C19orf81: variants seen among roughly 807,000 people sequenced by gnomAD.
C19orf81 encodes chromosome 19 open reading frame 81, also known as putative uncharacterized protein C19orf81.
In C19orf81, 19 loss-of-function variants were observed where a neutral mutation model predicts 22.1. The observed-to-expected ratio is 0.86, with a 90% CI of 0.60 to 1.26. The LOEUF (loss-of-function observed/expected upper bound fraction) is 1.26. Among genes scored for constraint, C19orf81 ranks in the 50% most tolerant of loss-of-function variants. The pLI is 0.00. For missense variants in C19orf81, 287 were observed against 280.7 expected (o/e 1.02, Z -0.16); for synonymous variants, 108 against 113.1 (o/e 0.95, Z 0.29).
Position 50,659,147 on chromosome 19 carries a change from C to T in C19orf81, c.*5C>T, listed in dbSNP as rs1232314060. On this transcript the variant is annotated 3_prime_UTR_variant, in exon 5 of 5. Coordinates refer to ENST00000425202, the MANE Select transcript of C19orf81 (RefSeq NM_001195076.2). ...GAGCCGAACGAGGAGGCCTGACGCCCGGGCGGGCCCCGGCAGCGCTTGCGC... is the reference window on the plus strand; with the variant it reads ...GAGCCGAACGAGGAGGCCTGACGCCTGGGCGGGCCCCGGCAGCGCTTGCGC... 2.3e-6 allele frequency: 3 copies of T among 1,326,214 alleles called. No homozygotes were observed. The highest frequency in any genetic ancestry group is 3.1e-5 in the African/African-American group (2 of 65,018). 82.2% of individuals were successfully genotyped at this position (1,326,214 alleles called of 1,614,324 possible). A position where few individuals can be genotyped will look rare whatever the true frequency, so the allele number is the denominator to read the frequency against.
intron 1 of C19orf81, among the ~76,000 whole-genome samples, chr19:50,652,342 A>T (rs1419259736): frequency 6.6e-6 from 1 of 152,192 alleles, no homozygotes; most frequent in Admixed American, 6.5e-5. Flanking sequence ...GGACGAAAAC[A>T]CAAGTCCCTG....
chr19:50,649,995 CCT>C (rs1385360999), intron 1 of C19orf81, among the ~76,000 whole-genome samples: 2 of 152,204 alleles, frequency 1.3e-5, no homozygotes, highest in East Asian at 3.9e-4. Context: ...CCCATTCCTT[CCT>C]CTCTGTCCCC....
rs1440052328 is a variant in C19orf81, at chr19:50,658,073, A to T, written c.346A>T (p.Ser116Cys). The change falls in exon 4 of 5, where the codon AGC becomes TGC. Residue 116 changes from serine to cysteine, a missense_variant. Transcript: ENST00000425202. ...PGAMESGRVS[S>C]IRFENMNVIC... is the part of the protein sequence containing the mutation. ...GGCCATGGAGAGCGGGCGCGTGAGC[A>T]GCATCCGCTTTGAGAACATGAACGT... 6.5e-7 allele frequency: 1 copy of T among 1,535,892 alleles called. No individual in the cohort carries two copies. Among genetic ancestry groups the T allele is most frequent in the East Asian group, 2.4e-5 (1 of 40,912 alleles).
intron 1 of C19orf81, among the ~76,000 whole-genome samples, chr19:50,651,171 C>T (rs903956625): frequency 1.3e-5 from 2 of 152,156 alleles, no homozygotes; most frequent in South Asian, 2.1e-4. Context: ...ACGTGAAACA[C>T]GCCATCTCAC....
intron 1 of C19orf81, among the ~76,000 whole-genome samples, chr19:50,652,041 T>C (rs73594693): frequency 0.011 from 1,648 of 152,240 alleles, 33 homozygotes; most frequent in African/African-American, 0.037. Flanking sequence ...TGGCATGAAT[T>C]GACACCATTG....
Position 50,659,176 on chromosome 19 carries a change from GCCCCGCGGGCTGGGGCCA to G in C19orf81, c.*38_*55del, listed in dbSNP as rs1985084886. 1 of 1,278,292 alleles carries G rather than the reference GCCCCGCGGGCTGGGGCCA, an allele frequency of 7.8e-7. No individual in the cohort carries two copies. Among genetic ancestry groups the G allele is most frequent in the Non-Finnish European group, 9.9e-7 (1 of 1,013,054 alleles). The allele number at this position is 1,278,292 out of a possible 1,614,324, so 79.2% of individuals were successfully genotyped here. ...CGGGCCCCGGCAGCGCTTGCGCACC[GCCCCGCGGGCTGGGGCCA>G]CCCACCCGGAGCCCCGGAGGACAGG... On this transcript the variant is annotated 3_prime_UTR_variant, in exon 5 of 5. Coordinates refer to ENST00000425202, the MANE Select transcript of C19orf81 (RefSeq NM_001195076.2).
chr19:50,655,931 A>G (rs1465489919), intron 1 of C19orf81, 119 bp from the exon 2 acceptor site: 5 of 949,702 alleles, frequency 5.3e-6, no homozygotes, highest in Middle Eastern at 3.2e-4. Flanking sequence ...CAGTAACTCA[A>G]CATCTGGCAT....
chr19:50,650,408 C>T (rs534295039), intron 1 of C19orf81, among the ~76,000 whole-genome samples: 42 of 152,346 alleles, frequency 2.8e-4, no homozygotes, highest in Non-Finnish European at 5.0e-4. Flanking sequence ...TGGTGGCTCA[C>T]GCCTATAATC....
chr19:50,655,050 T>C (rs1984963287), intron 1 of C19orf81, among the ~76,000 whole-genome samples: 1 of 152,168 alleles, frequency 6.6e-6, no homozygotes, highest in Non-Finnish European at 1.5e-5. Flanking sequence ...GCAGTAATCT[T>C]TTAAGCAAAT....
chr19:50,654,391 C>T lies in C19orf81; in HGVS notation c.68-1659C>T, dbSNP rs542884168. Reference sequence around the variant, plus strand: ...AATCTTGGCTCACTGCAACCTCTGCCTCCTGGGTTCAAGTGATTCTTCTGC... The same window carrying T: ...AATCTTGGCTCACTGCAACCTCTGCTTCCTGGGTTCAAGTGATTCTTCTGC... On this transcript the variant is annotated intron_variant, in intron 1 of 4. Coordinates refer to ENST00000425202, the MANE Select transcript of C19orf81 (RefSeq NM_001195076.2). Among the ~76,000 whole-genome samples the T allele has an allele frequency of 2.6e-5, 4 of 152,190 alleles. 1 individual carries two copies. Among genetic ancestry groups the T allele is most frequent in the African/African-American group, 9.6e-5 (4 of 41,516 alleles).
In C19orf81 at chr19:50,659,021, C is replaced by A. The variant is rs1985074731; in HGVS notation, c.476C>A (p.Ala159Glu). Residue 159 changes from alanine (A) to glutamate (E), a missense_variant, in exon 5 of 5, where the codon GCG becomes GAG. Coordinates refer to ENST00000425202, the MANE Select transcript of C19orf81 (RefSeq NM_001195076.2). Reference protein sequence around the residue: ...LRSGLSPRGLAHQIVRHDDLL... With the variant: ...LRSGLSPRGLEHQIVRHDDLL... Reference sequence around the variant, plus strand: ...TCCGGGCTCAGTCCCCGCGGGCTTGCGCACCAGATCGTGCGCCACGACGAC... The same window carrying A: ...TCCGGGCTCAGTCCCCGCGGGCTTGAGCACCAGATCGTGCGCCACGACGAC... 1 of 1,528,598 alleles carries A rather than the reference C, an allele frequency of 6.5e-7. No individual in the cohort carries two copies. The highest frequency in any genetic ancestry group is 2.0e-5 in the Admixed American group (1 of 50,484). The allele number at this position is 1,528,598 out of a possible 1,614,324, so 94.7% of individuals were successfully genotyped here. A position where few individuals can be genotyped will look rare whatever the true frequency, so the allele number is the denominator to read the frequency against.
At chr19:50,655,574 G>A (rs753253226) in intron 1 of C19orf81, among the ~76,000 whole-genome samples, 4 of 151,936 alleles carry the variant, frequency 2.6e-5, no homozygotes, top group African/African-American at 7.3e-5. Context: ...GCGTGAACCC[G>A]GGAGGCAGAG....
Position 50,658,007 on chromosome 19 carries a change from C to T in C19orf81, c.280C>T (p.His94Tyr). ...CCCGCAGCCCGAGGAGGATTTTACC[C>T]ACCTGGAGGTGCTGCAAGCCCTGGA... Reference protein sequence around the residue: ...METLPEEDFTHLEVLQALEAQ... With the variant: ...METLPEEDFTYLEVLQALEAQ... Residue 94 changes from histidine to tyrosine, a missense_variant, in exon 4 of 5, where the codon CAC (histidine) becomes TAC (tyrosine). By Grantham distance (83) the His-to-Tyr change is moderately conservative (BLOSUM62 2). Coordinates refer to ENST00000425202, the MANE Select transcript of C19orf81 (RefSeq NM_001195076.2). 1 of 1,532,946 alleles carries T rather than the reference C, an allele frequency of 6.5e-7. No homozygotes were observed. The highest frequency in any genetic ancestry group is 8.7e-7 in the Non-Finnish European group (1 of 1,145,746). 95.0% of individuals were successfully genotyped at this position (1,532,946 alleles called of 1,614,324 possible). A position where few individuals can be genotyped will look rare whatever the true frequency, so the allele number is the denominator to read the frequency against.
In C19orf81 at chr19:50,653,673, TGAGA is replaced by T. The variant is rs563049313; in HGVS notation, c.68-2374_68-2371del. ...AGTTGAATGTGTTGACTTATTGTAA[TGAGA>T]GACAGCACACACACACACACACACA... is the stretch of plus-strand genomic sequence containing the variant. On this transcript the variant is annotated intron_variant, in intron 1 of 4. Coordinates refer to ENST00000425202, the MANE Select transcript of C19orf81 (RefSeq NM_001195076.2). Among the ~76,000 whole-genome samples, 358 of 135,154 alleles carry T rather than the reference TGAGA, an allele frequency of 2.6e-3. 3 individuals are homozygous for T. The highest frequency in any genetic ancestry group is 8.9e-3 in the African/African-American group (323 of 36,186). 88.7% of individuals were successfully genotyped at this position (135,154 alleles called of 152,430 possible). A position where few individuals can be genotyped will look rare whatever the true frequency, so the allele number is the denominator to read the frequency against.
At chr19:50,650,905 G>A (rs773105267) in intron 1 of C19orf81, among the ~76,000 whole-genome samples, 2 of 152,234 alleles carry the variant, frequency 1.3e-5, no homozygotes, top group Non-Finnish European at 2.9e-5. Flanking sequence ...AGGCACCCAC[G>A]TGACATGTAA....
intron 3 of C19orf81, 82 bp downstream of exon 3, chr19:50,656,428 G>C: frequency 6.9e-7 from 1 of 1,449,478 alleles, no homozygotes; most frequent in South Asian, 1.4e-5. Flanking sequence ...AGTGTGGCCA[G>C]AGTTTAAATT....
rs1985078116 is a variant in C19orf81 at position 50,659,063 on chromosome 19, ACCGCCTG to A, written c.520_526del (p.Arg174ThrfsTer68). 4 of 1,526,894 alleles carry A rather than the reference ACCGCCTG, an allele frequency of 2.6e-6. No homozygotes were observed. In the East Asian group the frequency reaches 9.9e-5, roughly 38 times the overall value. The allele number at this position is 1,526,894 out of a possible 1,614,324, so 94.6% of individuals were successfully genotyped here. A position where few individuals can be genotyped will look rare whatever the true frequency, so the allele number is the denominator to read the frequency against. On this transcript the variant is annotated frameshift_variant, in exon 5 of 5. Coordinates refer to ENST00000425202, the MANE Select transcript of C19orf81 (RefSeq NM_001195076.2). LOFTEE classifies it high-confidence loss of function. ...CACGACGACCTCCTGCTGGGCGACT[ACCGCCTG>A]CACCTGCGCCGCTCCCTGGTCCGGC...
rs1490524479 is a variant in C19orf81 at position 50,650,013 on chromosome 19, C to T, written c.67+502C>T. ...ATTCCTTCCTCTCTGTCCCCGCAGC[C>T]CTGTCCCAGGTCTCATCCTCTTCCA... On this transcript the variant is annotated intron_variant, in intron 1 of 4. Transcript: ENST00000425202. Among the ~76,000 whole-genome samples, 3 of 152,294 alleles carry T rather than the reference C, an allele frequency of 2.0e-5. No homozygotes were observed. The East Asian group carries it at 5.8e-4, about 29-fold the overall frequency.
intron 1 of C19orf81, 149 bp downstream of exon 1, chr19:50,649,660 G>A (rs1356441337): frequency 4.4e-6 from 4 of 904,970 alleles, no homozygotes; most frequent in Admixed American, 4.0e-5. Flanking sequence ...CAGATTCCTG[G>A]AGAGCGGCCC....
Sources: allele counts gnomAD v4.1 joint callset (sites outside exome capture counted in the v4.1 genomes callset), GRCh38; gene constraint gnomAD v4.1.1; transcripts MANE v1.5; gene names NCBI Gene and HGNC (gene_info 2026-07-23, HGNC 2026-07-21).